RNF138: variants seen among roughly 807,000 people sequenced by gnomAD.
RNF138 encodes ring finger protein 138, also known as E3 ubiquitin-protein ligase RNF138.
In RNF138, 12 loss-of-function variants were observed where a neutral mutation model predicts 31.0. The ratio of observed to expected loss-of-function variants is 0.39; its 90% CI spans 0.25 to 0.63. The LOEUF is 0.63. Among genes scored for constraint, RNF138 ranks in the 20% least tolerant of loss-of-function variants. RNF138 has a pLI of 0.52. For synonymous variants in RNF138, 105 were observed against 99.5 expected (o/e 1.06, Z -0.33); for missense variants, 192 against 300.1 (o/e 0.64, Z 2.66).
intron 4 of RNF138, among the ~76,000 whole-genome samples, chr18:32,118,562 G>T (rs974478228): frequency 1.3e-5 from 2 of 151,414 alleles, no homozygotes; most frequent in African/African-American, 4.9e-5. Context: ...CGGGCGCAGT[G>T]GCTCACGCCT....
chr18:32,110,417 A>G (rs182348849), intron 2 of RNF138, among the ~76,000 whole-genome samples: 219 of 152,328 alleles, frequency 1.4e-3, no homozygotes, highest in Admixed American at 4.8e-3. Flanking sequence ...TATACTTGTT[A>G]TCTATTTTAA....
In RNF138 at chr18:32,098,209, A is replaced by G. The variant is rs139135800; in HGVS notation, c.110+5323A>G. 9.7e-3 allele frequency among the ~76,000 whole-genome samples: 1,473 copies of G among 151,862 alleles called. 23 individuals are homozygous for G. The highest frequency in any genetic ancestry group is 0.033 in the African/African-American group (1,379 of 41,426). ...TACCATGTTGGCCAGGCTGGTTTTG[A>G]ACTCCAGGCTGGTTTTGAACTCCTG... On this transcript the variant is annotated intron_variant, in intron 2 of 7. Coordinates refer to ENST00000261593, the MANE Select transcript of RNF138 (RefSeq NM_016271.5).
In RNF138 at chr18:32,092,860, C is replaced by G. The variant is rs537961328; in HGVS notation, c.84C>G (p.Pro28=). Residue 28 remains proline (P), a synonymous_variant, in exon 2 of 8, where the codon CCC becomes CCG. Coordinates refer to ENST00000261593, the MANE Select transcript of RNF138 (RefSeq NM_016271.5). The part of the protein sequence containing the change: ...CPVCQEVLKT[P]VRTTACQHVF... ...TCTGTCAGGAGGTGCTCAAAACGCC[C>G]GTGCGGACCACGGCCTGTCAGCACG... is the stretch of plus-strand genomic sequence containing the variant. 109 of 1,587,994 alleles carry G rather than the reference C, an allele frequency of 6.9e-5. 2 individuals carry two copies. In the South Asian group the frequency reaches 7.2e-4, roughly 10 times the overall value.
chr18:32,100,201 G>GATATATAT lies in RNF138; in HGVS notation c.110+7329_110+7336dup, dbSNP rs34225221. The stretch of plus-strand genomic sequence containing the variant: ...CTTGGAGCTGGGTGTTAGTGATTGA[G>GATATATAT]ATATATATATATATATATATAAAAT... On this transcript the variant is annotated intron_variant, in intron 2 of 7. Transcript: ENST00000261593. Among the ~76,000 whole-genome samples the GATATATAT allele has an allele frequency of 5.8e-3, 843 of 146,604 alleles. 9 individuals carry two copies. The highest frequency in any genetic ancestry group is 0.02 in the African/African-American group (799 of 40,190).
chr18:32,122,657 C>T (rs563850846), intron 4 of RNF138, among the ~76,000 whole-genome samples: 1 of 152,210 alleles, frequency 6.6e-6, no homozygotes, highest in Non-Finnish European at 1.5e-5. Flanking sequence ...AACCCCGTCT[C>T]TACTAAAAAT....
intron 3 of RNF138, among the ~76,000 whole-genome samples, chr18:32,112,144 C>T (rs1401185909): frequency 6.6e-6 from 1 of 151,788 alleles, no homozygotes; most frequent in Non-Finnish European, 1.5e-5. Flanking sequence ...TTTCATAATA[C>T]TTAGCGTGGC....
Position 32,129,352 on chromosome 18 carries a change from T to C in RNF138, c.*165T>C. 1 of 525,666 alleles carries C rather than the reference T, an allele frequency of 1.9e-6. No individual in the cohort carries two copies. Among genetic ancestry groups the C allele is most frequent in the Non-Finnish European group, 3.4e-6 (1 of 294,604 alleles). The allele number at this position is 525,666 out of a possible 1,614,324, so 32.6% of individuals were successfully genotyped here. A position where few individuals can be genotyped will look rare whatever the true frequency, so the allele number is the denominator to read the frequency against. On this transcript the variant is annotated 3_prime_UTR_variant, in exon 8 of 8. Transcript: ENST00000261593. ...GGTAGGGCTTCTAAAAACTTCATCA[T>C]CTTGATAAGTTAAAAAATGAAAGTT... is the stretch of plus-strand genomic sequence containing the variant.
At chr18:32,121,313 T>C (rs1435934891) in intron 4 of RNF138, among the ~76,000 whole-genome samples, 2 of 152,128 alleles carry the variant, frequency 1.3e-5, no homozygotes, top group Non-Finnish European at 2.9e-5. Flanking sequence ...CTGACCAACA[T>C]GGAGAAACTC....
At chr18:32,092,386 C>CG (rs1244670122) in intron 1 of RNF138, among the ~76,000 whole-genome samples, 151 bp downstream of exon 1, 1 of 150,312 alleles carries the variant, frequency 6.7e-6, no homozygotes, top group African/African-American at 2.4e-5. Context: ...TGGGCGAAGA[C>CG]GGGGGCTGAG....
chr18:32,114,180 A>G (rs1030102441), intron 4 of RNF138, among the ~76,000 whole-genome samples: 6 of 152,352 alleles, frequency 3.9e-5, no homozygotes, highest in African/African-American at 1.2e-4. Flanking sequence ...TTGAAAAACT[A>G]TAGAAAATCC....
chr18:32,092,954 C>G (rs2039728351), intron 2 of RNF138, 68 bp downstream of exon 2: 5 of 888,972 alleles, frequency 5.6e-6, no homozygotes, highest in Non-Finnish European at 7.9e-6. Flanking sequence ...GGCCCGGGAC[C>G]CCGGGCTGCC....
At chr18:32,121,388 A>T in intron 4 of RNF138, among the ~76,000 whole-genome samples, 1 of 150,128 alleles carries the variant, frequency 6.7e-6, no homozygotes, top group East Asian at 2.0e-4. Flanking sequence ...CTAGCTTCTC[A>T]GGAGGCTGAG....
In RNF138 at chr18:32,130,400, T is replaced by C. The variant is rs187661874; in HGVS notation, c.*1213T>C. 2.5e-4 allele frequency: 38 copies of C among 152,534 alleles called. No individual in the cohort carries two copies. Among genetic ancestry groups the C allele is most frequent in the Non-Finnish European group, 4.9e-4 (33 of 67,846 alleles). 9.4% of individuals were successfully genotyped at this position (152,534 alleles called of 1,614,324 possible). ...GAGAAAGATTCTACCAACCACTGTT[T>C]CACTACTTTTTAGTTAAAATTGGGT... On this transcript the variant is annotated 3_prime_UTR_variant, in exon 8 of 8. Coordinates refer to ENST00000261593, the MANE Select transcript of RNF138 (RefSeq NM_016271.5).
intron 3 of RNF138, among the ~76,000 whole-genome samples, chr18:32,113,269 G>A (rs573768048): frequency 6.6e-6 from 1 of 152,124 alleles, no homozygotes; most frequent in South Asian, 2.1e-4. Flanking sequence ...TATTGCTCAG[G>A]CTGGTCTTGA....
intron 2 of RNF138, among the ~76,000 whole-genome samples, chr18:32,108,022 T>G (rs1292278216): frequency 6.6e-6 from 1 of 151,342 alleles, no homozygotes; most frequent in African/African-American, 2.4e-5. Context: ...ACCTGGCTGA[T>G]TTTTGTATTT....
At chr18:32,092,672 T>G (rs1205340455) in intron 1 of RNF138, 28 bp from the exon 2 acceptor site, 5 of 707,676 alleles carry the variant, frequency 7.1e-6, no homozygotes, top group Non-Finnish European at 1.0e-5. Flanking sequence ...CCTGATGCGA[T>G]CCCCCTCCCC....
chr18:32,124,695 T>C, intron 5 of RNF138, 39 bp from the exon 6 acceptor site: 2 of 994,592 alleles, frequency 2.0e-6, no homozygotes, highest in Non-Finnish European at 3.2e-6. Context: ...TTTTGTGTTA[T>C]TCTGAATTAA....
intron 2 of RNF138, among the ~76,000 whole-genome samples, chr18:32,096,480 C>T (rs1420855236): frequency 6.6e-6 from 1 of 151,926 alleles, no homozygotes; most frequent in Non-Finnish European, 1.5e-5. Flanking sequence ...CTGTGGGTGT[C>T]GAAGTGGTCA....
At chr18:32,126,592 A>C (rs1175788923) in intron 6 of RNF138, 101 bp from the exon 7 acceptor site, 1 of 659,030 alleles carries the variant, frequency 1.5e-6, no homozygotes, top group Non-Finnish European at 2.6e-6. Flanking sequence ...TCTCACGTAG[A>C]TATTTTTGGT....
Sources: gnomAD v4.1 joint callset for allele counts (sites outside exome capture counted in the v4.1 genomes callset) on GRCh38, gnomAD v4.1.1 for gene constraint, MANE v1.5 for transcripts, NCBI Gene and HGNC (gene_info 2026-07-23, HGNC 2026-07-21) for gene names.